RIPOR2: variants seen among roughly 807,000 people sequenced by gnomAD.
RIPOR2 encodes RHO family interacting cell polarization regulator 2.
RIPOR2 carries 39 observed loss-of-function variants against 114.5 expected under a neutral mutation model. The observed-to-expected ratio is 0.34, with a 90% confidence interval of 0.26 to 0.44. The LOEUF is 0.44. Among genes scored for constraint, RIPOR2 ranks in the 20% least tolerant of loss-of-function variants. RIPOR2 has a pLI of 1.00. For missense variants in RIPOR2, 1,007 were observed against 1,255.1 expected (o/e 0.80, Z 2.99); for synonymous variants, 445 against 484.4 (o/e 0.92, Z 1.07).
At chr6:24,849,604 G>A (rs1008379431) in intron 11 of RIPOR2, among the ~76,000 whole-genome samples, 198 bp downstream of exon 11, 1 of 152,106 alleles carries the variant, frequency 6.6e-6, no homozygotes, top group Admixed American at 6.5e-5. Context: ...TTTAACACGC[G>A]TGCACCTTAC....
intron 1 of RIPOR2, chr6:24,877,234 C>T (rs1384082817): frequency 2.0e-6 from 2 of 985,398 alleles, no homozygotes; most frequent in Non-Finnish European, 2.4e-6. Context: ...GCAGTTTGAG[C>T]GAGTTACTTC....
At position 24,880,168 on chromosome 6, in the gene RIPOR2, G is replaced by C. The variant is rs10223484; in HGVS notation, c.62-4351C>G. On this transcript the variant is annotated intron_variant, in intron 1 of 21. Transcript: ENST00000643898. ...AGGGAAATACCCAAATGCATGAAGA[G>C]GCATATACAGGGATATTCATCACAG... Among the ~76,000 whole-genome samples the C allele has an allele frequency of 2.1e-3, 324 of 152,226 alleles. 1 individual carries two copies. Among genetic ancestry groups the C allele is most frequent in the African/African-American group, 7.4e-3 (307 of 41,540 alleles).
intron 17 of RIPOR2, among the ~76,000 whole-genome samples, chr6:24,828,701 T>C (rs181540805): frequency 4.6e-5 from 7 of 151,452 alleles, no homozygotes; most frequent in Admixed American, 2.0e-4. Flanking sequence ...ATATAAAATA[T>C]ATAATGAATA....
intron 1 of RIPOR2, among the ~76,000 whole-genome samples, chr6:25,025,333 G>A (rs983776757): frequency 9.2e-5 from 14 of 152,110 alleles, no homozygotes; most frequent in Non-Finnish European, 1.6e-4. Context: ...GTGGTGTTAC[G>A]GTTTCTGCTA....
chr6:24,944,693 A>AAG (rs1175127475), intron 1 of RIPOR2, among the ~76,000 whole-genome samples: 2 of 152,220 alleles, frequency 1.3e-5, no homozygotes, highest in African/African-American at 2.4e-5. Context: ...CTATAAATCT[A>AAG]AGAAGCTCAA....
chr6:24,993,899 C>T (rs1774938430), intron 1 of RIPOR2, among the ~76,000 whole-genome samples: 1 of 152,176 alleles, frequency 6.6e-6, no homozygotes, highest in African/African-American at 2.4e-5. Flanking sequence ...TCTGCTAATG[C>T]TTGCTTTAAA....
chr6:25,037,342 C>T lies in RIPOR2; in HGVS notation c.76+4509G>A, dbSNP rs1777293976. Among the ~76,000 whole-genome samples, 1 of 152,144 alleles carries T rather than the reference C, an allele frequency of 6.6e-6. No homozygotes were observed. Among genetic ancestry groups the T allele is most frequent in the African/African-American group, 2.4e-5 (1 of 41,452 alleles). ...TGTGGCAGACTAAAGGAAAGAAAGG[C>T]TCTCGGGGCATTCAGTTATCTGTGC... On this transcript the variant is annotated intron_variant, in intron 1 of 13. Coordinates refer to the RIPOR2 transcript ENST00000510784. This position sits in a 1 kb window ranked among gnomAD's most constrained non-coding sequence, Gnocchi z 4.5.
chr6:24,873,900 GTCT>G (rs1765457988), intron 2 of RIPOR2, 101 bp from the exon 3 acceptor site: 4 of 986,840 alleles, frequency 4.1e-6, no homozygotes, highest in Admixed American at 2.7e-5. Flanking sequence ...TAGAGACAAA[GTCT>G]TCTTCTGTCA....
At chr6:24,963,199 T>A (rs1158892669) in intron 1 of RIPOR2, among the ~76,000 whole-genome samples, 4 of 151,878 alleles carry the variant, frequency 2.6e-5, no homozygotes, top group Non-Finnish European at 4.4e-5. Context: ...ACCCAGCTAA[T>A]TTTTTGTAAT....
chr6:25,021,137 G>A (rs58276920), intron 1 of RIPOR2, among the ~76,000 whole-genome samples: 9,960 of 152,254 alleles, frequency 0.065, 754 homozygotes, highest in African/African-American at 0.18. Flanking sequence ...GGGATTACAG[G>A]TGTGAGCCAC....
At chr6:24,846,113 G>A (rs917764631) in intron 12 of RIPOR2, among the ~76,000 whole-genome samples, 1 of 151,922 alleles carries the variant, frequency 6.6e-6, no homozygotes, top group Non-Finnish European at 1.5e-5. Context: ...ACCAACTCTC[G>A]CCCACAACCC....
chr6:24,921,251 C>A (rs932028096), intron 1 of RIPOR2, among the ~76,000 whole-genome samples: 1 of 152,086 alleles, frequency 6.6e-6, no homozygotes, highest in Admixed American at 6.5e-5. Context: ...CAGCCTCTGC[C>A]TCCTGAGCAC....
At chr6:24,942,820 G>T (rs972143021) in intron 1 of RIPOR2, among the ~76,000 whole-genome samples, 10 of 152,110 alleles carry the variant, frequency 6.6e-5, no homozygotes, top group Non-Finnish European at 1.5e-4. Flanking sequence ...TTAGCCTTCT[G>T]TCAGATGAGT....
chr6:24,848,060 G>A lies in RIPOR2; in HGVS notation c.1129C>T (p.Pro377Ser), dbSNP rs1455649661. ...TGGTCTTTGAAGGTGGGCGTTTCCG[G>A]GGTACCCTGGCTGTACATGGACATT... Reference protein sequence around the residue: ...RRMSMYSQGTPETPTFKDHSF... With the variant: ...RRMSMYSQGTSETPTFKDHSF... Residue 377 changes from proline to serine, a missense_variant, in exon 12 of 22, where the codon CCG becomes TCG. Transcript: ENST00000643898. The A allele has an allele frequency of 6.2e-7, 1 of 1,613,936 alleles. No homozygotes were observed. Among genetic ancestry groups the A allele is most frequent in the Admixed American group, 1.7e-5 (1 of 60,022 alleles).
rs556210618 is a variant in RIPOR2 at position 24,923,397 on chromosome 6, T to C, written c.61+12441A>G. Among the ~76,000 whole-genome samples the C allele has an allele frequency of 9.2e-5, 14 of 152,318 alleles. No homozygotes were observed. In the East Asian group the frequency reaches 2.3e-3, roughly 25 times the overall value. ...TTGGGTATATACCCAGAAGTGGAATTGTTGGATCACCTGGCAATTCTATTT... is the reference window on the plus strand; with the variant it reads ...TTGGGTATATACCCAGAAGTGGAATCGTTGGATCACCTGGCAATTCTATTT... On this transcript the variant is annotated intron_variant, in intron 1 of 21. Coordinates refer to ENST00000643898, the MANE Select transcript of RIPOR2 (RefSeq NM_001286445.3).
intron 1 of RIPOR2, among the ~76,000 whole-genome samples, chr6:24,889,199 C>T (rs1335097479): frequency 1.3e-5 from 2 of 152,164 alleles, no homozygotes; most frequent in Non-Finnish European, 2.9e-5. Context: ...GCTGTGGCCT[C>T]TAGAGCTCAG....
intron 13 of RIPOR2, chr6:24,839,562 T>C (rs1761433939): frequency 1.4e-6 from 2 of 1,460,158 alleles, no homozygotes; most frequent in Non-Finnish European, 1.9e-6. Flanking sequence ...GGTTGAGGGA[T>C]GGGCACACTG....
chr6:24,908,002 A>G (rs1459874608), intron 1 of RIPOR2, among the ~76,000 whole-genome samples: 1 of 91,382 alleles, frequency 1.1e-5, no homozygotes. Context: ...CCCTTGCTCC[A>G]TTGTCTGTTT....
At chr6:24,970,234 T>C (rs1773719938) in intron 1 of RIPOR2, among the ~76,000 whole-genome samples, 1 of 152,094 alleles carries the variant, frequency 6.6e-6, no homozygotes. Flanking sequence ...ATGTTCACCA[T>C]GTGAGGTATG....
Sources: gnomAD v4.1 joint callset for allele counts (sites outside exome capture counted in the v4.1 genomes callset) on GRCh38, gnomAD v4.1.1 for gene constraint, Gnocchi (gnomAD v3.1) non-coding constraint, MANE v1.5 for transcripts, NCBI Gene and HGNC (gene_info 2026-07-23, HGNC 2026-07-21) for gene names.